Variants in CORO2B observed in about 807,000 individuals in gnomAD.
CORO2B encodes the protein coronin-2B.
Under a neutral mutation model 58.8 loss-of-function variants are expected in CORO2B, and 26 were observed. The ratio of observed to expected loss-of-function variants is 0.44; its 90% CI spans 0.32 to 0.61. The LOEUF (loss-of-function observed/expected upper bound fraction) is 0.61, where lower values mean the gene tolerates loss of function less well. Among genes scored for constraint, CORO2B ranks in the 20% least tolerant of loss-of-function variants. The pLI is 0.04. For synonymous variants in CORO2B, 242 were observed against 253.8 expected, an observed-to-expected ratio of 0.95 and a Z score of 0.44; for missense variants, 460 against 645.1, an observed-to-expected ratio of 0.71 and a Z score of 3.11.
the CORO2B span, among the ~76,000 whole-genome samples, chr15:68,565,265 ATAATT>A: frequency 6.6e-6 from 1 of 151,682 alleles, no homozygotes; most frequent in Non-Finnish European, 1.5e-5. Context: ...AAACAGTAAT[ATAATT>A]AGAAAGTACT....
chr15:68,707,584 G>C (rs1892813009), intron 3 of CORO2B, among the ~76,000 whole-genome samples: 2 of 152,336 alleles, frequency 1.3e-5, no homozygotes, highest in African/African-American at 4.8e-5. Flanking sequence ...TCATGGAGTG[G>C]TGTGGAAAGA....
chr15:68,582,151 G>A (rs115973758), intron 1 of CORO2B, among the ~76,000 whole-genome samples: 1 of 152,194 alleles, frequency 6.6e-6, no homozygotes, highest in Non-Finnish European at 1.5e-5. Context: ...TGCTAAAGCT[G>A]CCGGCAAACC....
chr15:68,577,260 G>A (rs1434900716), upstream of CORO2B, among the ~76,000 whole-genome samples: 7 of 152,198 alleles, frequency 4.6e-5, no homozygotes. Flanking sequence ...CGGATTCAAA[G>A]CACAATGCTG....
At chr15:68,634,155 T>C (rs1407360719) in intron 1 of CORO2B, among the ~76,000 whole-genome samples, 4 of 151,892 alleles carry the variant, frequency 2.6e-5, no homozygotes, top group Admixed American at 6.6e-5. Flanking sequence ...GGGTGAGGAG[T>C]AGGACCTGCT....
the CORO2B span, chr15:68,559,731 C>A: frequency 2.7e-6 from 2 of 738,352 alleles, no homozygotes; most frequent in Non-Finnish European, 1.7e-6. The surrounding 1 kb of genome is among the most constrained non-coding windows in gnomAD (Gnocchi z 4.3). Flanking sequence ...GTCGGTGAGG[C>A]TGCGGCGCCC....
chr15:68,608,195 G>A (rs1031260468), intron 1 of CORO2B, among the ~76,000 whole-genome samples: 2 of 152,238 alleles, frequency 1.3e-5, no homozygotes, highest in Non-Finnish European at 2.9e-5. Flanking sequence ...GCCTGAGCAC[G>A]GCCACTGCAG....
the CORO2B span, among the ~76,000 whole-genome samples, chr15:68,520,089 T>C: frequency 6.6e-6 from 1 of 152,244 alleles, no homozygotes; most frequent in African/African-American, 2.4e-5. Flanking sequence ...CTTGTTATTC[T>C]TTCATTATCG....
chr15:68,531,128 C>G, the CORO2B span, among the ~76,000 whole-genome samples: 32 of 152,092 alleles, frequency 2.1e-4, no homozygotes, highest in African/African-American at 7.5e-4. Flanking sequence ...ACTCTCATTT[C>G]CCCCACCCAT....
rs761573119 is a variant in CORO2B, at chr15:68,726,003, A to G, written c.*29A>G. The G allele has an allele frequency of 6.2e-7, 1 of 1,610,360 alleles. No homozygotes were observed. The highest frequency in any genetic ancestry group is 8.5e-7 in the Non-Finnish European group (1 of 1,179,854). ...CCCAGCTGGGCTGTTTTCTAAGCCGATCTCTCCGTCGTTTCTACTCATCCC... is the reference window on the plus strand; with the variant it reads ...CCCAGCTGGGCTGTTTTCTAAGCCGGTCTCTCCGTCGTTTCTACTCATCCC... On this transcript the variant is annotated 3_prime_UTR_variant, in exon 12 of 12. Coordinates refer to ENST00000261861, the MANE Select transcript of CORO2B (RefSeq NM_006091.5).
At chr15:68,564,307 C>CT in the CORO2B span, among the ~76,000 whole-genome samples, 727 of 142,544 alleles carry the variant, frequency 5.1e-3, 4 homozygotes, top group African/African-American at 0.016. Flanking sequence ...GCAGTGAAAT[C>CT]TTTTTTTTTT....
chr15:68,596,262 C>T (rs1899827008), intron 1 of CORO2B, among the ~76,000 whole-genome samples: 1 of 151,680 alleles, frequency 6.6e-6, no homozygotes. Flanking sequence ...CAGTCCCTGC[C>T]CTCAGGGACA....
intron 2 of CORO2B, among the ~76,000 whole-genome samples, chr15:68,659,446 C>T (rs571645390): frequency 1.3e-5 from 2 of 152,350 alleles, no homozygotes; most frequent in South Asian, 2.1e-4. Flanking sequence ...GACACAGTGG[C>T]TCATGCCTGT....
the CORO2B span, among the ~76,000 whole-genome samples, chr15:68,523,906 A>G: frequency 1.3e-5 from 2 of 152,128 alleles, no homozygotes; most frequent in Admixed American, 6.5e-5. Context: ...GGTGTCCTAC[A>G]ATTCTTCAAA....
intron 2 of CORO2B, among the ~76,000 whole-genome samples, chr15:68,662,017 TAAA>T (rs1294919203): frequency 2.6e-5 from 4 of 151,298 alleles, no homozygotes; most frequent in African/African-American, 7.4e-5. Context: ...AATAAATAAA[TAAA>T]TAAATAAATT....
At chr15:68,609,110 G>C (rs1463924669) in intron 1 of CORO2B, among the ~76,000 whole-genome samples, 1 of 152,234 alleles carries the variant, frequency 6.6e-6, no homozygotes, top group Non-Finnish European at 1.5e-5. Context: ...GGAAGGAGCA[G>C]CATTGGAACT....
intron 1 of CORO2B, among the ~76,000 whole-genome samples, chr15:68,605,546 A>T (rs560889159): frequency 3.5e-4 from 53 of 152,340 alleles, no homozygotes; most frequent in Middle Eastern, 3.4e-3. Context: ...AGTGTGGGAA[A>T]ATATTCGTGC....
intron 1 of CORO2B, among the ~76,000 whole-genome samples, chr15:68,593,666 T>C (rs912543456): frequency 6.6e-6 from 1 of 152,008 alleles, no homozygotes; most frequent in Non-Finnish European, 1.5e-5. Flanking sequence ...GGTTTGTTTT[T>C]TTTTTTGCAA....
chr15:68,681,924 T>C (rs1174100038), intron 2 of CORO2B, among the ~76,000 whole-genome samples: 1 of 152,036 alleles, frequency 6.6e-6, no homozygotes, highest in African/African-American at 2.4e-5. Context: ...GCTTCATAGA[T>C]TTAAAGGGCT....
chr15:68,613,201 C>T (rs1351035912), intron 1 of CORO2B, among the ~76,000 whole-genome samples: 1 of 152,080 alleles, frequency 6.6e-6, no homozygotes, highest in Admixed American at 6.5e-5. Context: ...TGCAAAGGCA[C>T]CTGGGAAATG....
Sources: gnomAD v4.1 joint callset for allele counts (sites outside exome capture counted in the v4.1 genomes callset) on GRCh38, gnomAD v4.1.1 for gene constraint, Gnocchi (gnomAD v3.1) non-coding constraint, MANE v1.5 for transcripts, NCBI Gene and HGNC (gene_info 2026-07-23, HGNC 2026-07-21) for gene names.